The following NPC1 variants were observed in gnomAD, a reference collection of about 807,000 sequenced individuals.
NPC1 encodes the protein NPC intracellular cholesterol transporter 1.
Under a neutral mutation model 140.4 loss-of-function variants are expected in NPC1, and 85 were observed. The observed-to-expected ratio is 0.61, with a 90% CI of 0.51 to 0.72. The LOEUF (loss-of-function observed/expected upper bound fraction) is 0.72, where lower values mean the gene tolerates loss of function less well. Ranked by LOEUF, NPC1 falls within the 30% of genes least tolerant of loss-of-function variation. The pLI is 0.00. For missense variants in NPC1, 1,504 were observed against 1,623.8 expected, an observed-to-expected ratio of 0.93 and a Z score of 1.27; for synonymous variants, 656 against 624.8, an observed-to-expected ratio of 1.05 and a Z score of -0.74.
rs372030650 is a variant in NPC1 at position 23,539,985 on chromosome 18, T to A, written c.2621A>T (p.Asp874Val). The change falls in exon 18 of 25, where the codon GAT becomes GTT. Residue 874 changes from aspartate to valine, a missense_variant. Physicochemically the swap from Asp to Val is radical, Grantham distance 152 (BLOSUM62 -3). Coordinates refer to ENST00000269228, the MANE Select transcript of NPC1 (RefSeq NM_000271.5). ...GTACTGACTGATGGATTTGAAATAA[T>A]CCACCATGTAGGAGTCCTGAAAGAA... ...LSMPDDSYMVDYFKSISQYLH... is the reference protein window; with the variant it reads ...LSMPDDSYMVVYFKSISQYLH... 1.8e-4 allele frequency: 290 copies of A among 1,613,934 alleles called. No individual in the cohort carries two copies. Among genetic ancestry groups the A allele is most frequent in the Non-Finnish European group, 2.3e-4 (276 of 1,179,946 alleles).
downstream of NPC1, chr18:23,527,912 T>G (rs747031460): frequency 6.2e-7 from 1 of 1,606,716 alleles, no homozygotes; most frequent in South Asian, 1.1e-5. Context: ...GTGAGTTACA[T>G]GGAGTATGAC....
At chr18:23,557,368 G>A (rs897803989) in intron 6 of NPC1, among the ~76,000 whole-genome samples, 178 bp from the exon 7 acceptor site, 3 of 152,120 alleles carry the variant, frequency 2.0e-5, no homozygotes, top group African/African-American at 7.2e-5. Context: ...ACCAGTCTCA[G>A]GAGAAAATTT....
At chr18:23,535,372 C>G in intron 22 of NPC1, 97 bp downstream of exon 22, 3 of 898,098 alleles carry the variant, frequency 3.3e-6, no homozygotes, top group Non-Finnish European at 5.4e-6. Context: ...GACTTGGTAT[C>G]TTACTCCATC....
exon 2 of NPC1, chr18:23,522,898 T>G (rs557439505): frequency 5.2e-5 from 8 of 152,396 alleles, no homozygotes; most frequent in Non-Finnish European, 1.2e-4. Context: ...GCTCAGGAAT[T>G]GAATGGGCCT....
downstream of NPC1, chr18:23,530,248 TAG>T: frequency 1.2e-6 from 2 of 1,614,250 alleles, no homozygotes; most frequent in Non-Finnish European, 1.7e-6. Flanking sequence ...CTGTTATCCC[TAG>T]AGAGTTTCTA....
chr18:23,525,241 C>T (rs953310494), downstream of NPC1, among the ~76,000 whole-genome samples: 4 of 151,902 alleles, frequency 2.6e-5, no homozygotes, highest in Admixed American at 6.6e-5. Context: ...CCACTGTGCC[C>T]GGCCTAAAGA....
rs748412408 is a variant in NPC1 at position 23,532,297 on chromosome 18, G to C, written c.3755-13C>G. On this transcript the variant is annotated splice_polypyrimidine_tract_variant and intron_variant, in intron 24 of 24. Coordinates refer to ENST00000269228, the MANE Select transcript of NPC1 (RefSeq NM_000271.5). The stretch of plus-strand genomic sequence containing the variant: ...TTTACTGATGGCCCTATGAGAGAGA[G>C]AGACTTTTTCTTATTTCTGCAGGAG... 8.1e-6 allele frequency: 13 copies of C among 1,613,922 alleles called. No homozygotes were observed. The highest frequency in any genetic ancestry group is 1.3e-5 in the African/African-American group (1 of 74,890).
chr18:23,566,614 T>C (rs1598997579), intron 4 of NPC1, among the ~76,000 whole-genome samples: 1 of 151,488 alleles, frequency 6.6e-6, no homozygotes, highest in Non-Finnish European at 1.5e-5. Context: ...ACACACACAC[T>C]CTATAGATTC....
At chr18:23,516,233 G>A in intron 3 of NPC1, 4 of 1,481,354 alleles carry the variant, frequency 2.7e-6, no homozygotes, top group Non-Finnish European at 3.8e-6. Flanking sequence ...CGAAGTCTGT[G>A]TTTATCCTTG....
downstream of NPC1, chr18:23,528,913 C>T: frequency 1.3e-5 from 4 of 304,278 alleles, no homozygotes; most frequent in South Asian, 5.2e-5. Context: ...GAGTTTTGTT[C>T]TTATTGCCCA....
At chr18:23,586,005 C>T (rs904223380) in intron 1 of NPC1, among the ~76,000 whole-genome samples, 4 of 152,216 alleles carry the variant, frequency 2.6e-5, no homozygotes, top group Non-Finnish European at 5.9e-5. Context: ...CACTTTCCTC[C>T]CTTCTTCTGG....
At chr18:23,532,695 CTTTTTT>C (rs61493442) in intron 24 of NPC1, among the ~76,000 whole-genome samples, 3 of 136,840 alleles carry the variant, frequency 2.2e-5, no homozygotes, top group African/African-American at 8.1e-5. Flanking sequence ...GTGCTCATCT[CTTTTTT>C]TTTTTTTTTT....
At position 23,556,345 on chromosome 18, in the gene NPC1, G is replaced by A. The variant is rs759901793; in HGVS notation, c.1224C>T (p.Leu408=). ...HFGPFFRTEQ[L]IIRAPLTDKH... Reference sequence around the variant, plus strand: ...TGTCAGTGAGAGGGGCCCGGATGATGAGCTGCTCCGTCCGGAAGAAAGGCC... The same window carrying A: ...TGTCAGTGAGAGGGGCCCGGATGATAAGCTGCTCCGTCCGGAAGAAAGGCC... The change falls in exon 8 of 25, where the codon CTC becomes CTT. Residue 408 remains leucine (L), a synonymous_variant. Transcript: ENST00000269228. 1.9e-6 allele frequency: 3 copies of A among 1,614,100 alleles called. No individual in the cohort carries two copies. The highest frequency in any genetic ancestry group is 2.2e-5 in the East Asian group (1 of 44,858).
In NPC1 at chr18:23,534,462, G is replaced by A; in HGVS notation, c.3575C>T (p.Ala1192Val). 6.2e-7 allele frequency: 1 copy of A among 1,613,238 alleles called. No homozygotes were observed. The highest frequency in any genetic ancestry group is 8.5e-7 in the Non-Finnish European group (1 of 1,179,662). ...SRVERAEEAL[A>V]HMGSSVFSGI... Reference sequence around the variant, plus strand: ...GGTACTCACGGAGCTGCCCATGTGGGCAAGTGCCTCTTCCGCGCGCTCCAC... The same window carrying A: ...GGTACTCACGGAGCTGCCCATGTGGACAAGTGCCTCTTCCGCGCGCTCCAC... The change falls in exon 23 of 25, where the codon GCC (alanine) becomes GTC (valine). Residue 1192 changes from alanine (A) to valine (V), a missense_variant. By Grantham distance (64) the Ala-to-Val change is moderately conservative. Coordinates refer to ENST00000269228, the MANE Select transcript of NPC1 (RefSeq NM_000271.5).
At chr18:23,582,835 G>A (rs1478691274) in intron 1 of NPC1, among the ~76,000 whole-genome samples, 1 of 150,642 alleles carries the variant, frequency 6.6e-6, no homozygotes, top group African/African-American at 2.4e-5. Flanking sequence ...TCCAGGGCCA[G>A]CACGGTGGCT....
At chr18:23,514,538 C>G in intron 3 of NPC1, among the ~76,000 whole-genome samples, 1 of 149,896 alleles carries the variant, frequency 6.7e-6, no homozygotes, top group East Asian at 2.0e-4. Flanking sequence ...GCCTGGGCAA[C>G]AAGAGTGAAA....
Position 23,536,670 on chromosome 18 carries a change from T to TAC in NPC1, c.3245+1_3245+2dup. 6.2e-7 allele frequency: 1 copy of TAC among 1,613,596 alleles called. No homozygotes were observed. The highest frequency in any genetic ancestry group is 8.5e-7 in the Non-Finnish European group (1 of 1,179,680). On this transcript the variant is annotated splice_region_variant and intron_variant, in intron 21 of 24. Transcript: ENST00000269228. ...AACCCCATTGAAAAAGGGCAGGCTT[T>TAC]ACCTGTAAGGAAATACTCGGTAGGC... is the stretch of plus-strand genomic sequence containing the variant.
chr18:23,524,633 G>GT (rs993888574), downstream of NPC1: 4 of 705,578 alleles, frequency 5.7e-6, no homozygotes, highest in African/African-American at 7.3e-5. Context: ...CACTTTATAC[G>GT]TTTTTTACTA....
chr18:23,548,904 C>T (rs536588613), intron 10 of NPC1, among the ~76,000 whole-genome samples: 1 of 152,238 alleles, frequency 6.6e-6, no homozygotes, highest in African/African-American at 2.4e-5. Context: ...AATCCTCCTG[C>T]CTCAGCCTCC....
Sources: gnomAD v4.1 joint callset for allele counts (sites outside exome capture counted in the v4.1 genomes callset) on GRCh38, gnomAD v4.1.1 for gene constraint, MANE v1.5 for transcripts, NCBI Gene and HGNC (gene_info 2026-07-23, HGNC 2026-07-21) for gene names.